The following SRP9 variants were observed in gnomAD, a reference collection of about 807,000 sequenced individuals.
The protein encoded by SRP9 is signal recognition particle 9 kDa protein.
Under a neutral mutation model 11.7 loss-of-function variants are expected in SRP9, and 2 were observed. The observed-to-expected ratio is 0.17, with a 90% confidence interval of 0.07 to 0.54. The LOEUF (loss-of-function observed/expected upper bound fraction) is 0.54, where lower values mean the gene tolerates loss of function less well. Among genes scored for constraint, SRP9 ranks in the 20% least tolerant of loss-of-function variants. SRP9 has a pLI of 0.94. For missense variants in SRP9, 54 were observed against 108.1 expected, an observed-to-expected ratio of 0.50 and a Z score of 2.22; for synonymous variants, 27 against 35.6, an observed-to-expected ratio of 0.76 and a Z score of 0.86.
In SRP9 at chr1:225,788,940, A is replaced by G. The variant is rs1158432409; in HGVS notation, c.142-300A>G. On this transcript the variant is annotated intron_variant, in intron 2 of 2. Transcript: ENST00000304786. ...CGAAGGAAGAAAATATCTAATTCTA[A>G]GTCTTGAGTTCTTCTCATCAGACCA... is the stretch of plus-strand genomic sequence containing the variant. The G allele has an allele frequency of 2.8e-6, 4 of 1,446,648 alleles. No homozygotes were observed. In the African/African-American group the frequency reaches 4.3e-5, roughly 16 times the overall value. The allele number at this position is 1,446,648 out of a possible 1,614,324, so 89.6% of individuals were successfully genotyped here. A position where few individuals can be genotyped will look rare whatever the true frequency, so the allele number is the denominator to read the frequency against.
At chr1:225,783,520 C>G (rs1053666119) in intron 2 of SRP9, 152 bp downstream of exon 2, 83 of 622,992 alleles carry the variant, frequency 1.3e-4, no homozygotes, top group Non-Finnish European at 2.1e-4. Flanking sequence ...CTAGCAGCTA[C>G]TTTTATAGAC....
intron 1 of SRP9, among the ~76,000 whole-genome samples, chr1:225,778,461 A>G (rs1403378093): frequency 6.6e-6 from 1 of 152,264 alleles, no homozygotes; most frequent in East Asian, 1.9e-4. Context: ...ATTTGGAAGC[A>G]TCTGTACCCC....
At chr1:225,785,287 C>T (rs1294690991) in intron 2 of SRP9, among the ~76,000 whole-genome samples, 1 of 148,150 alleles carries the variant, frequency 6.7e-6, no homozygotes, top group Admixed American at 6.8e-5. Context: ...CCATGTTGAC[C>T]AGGATGGTCT....
At chr1:225,787,396 TGG>T (rs1426544658) in intron 2 of SRP9, among the ~76,000 whole-genome samples, 1 of 151,846 alleles carries the variant, frequency 6.6e-6, no homozygotes, top group Non-Finnish European at 1.5e-5. Flanking sequence ...AGCATGGTGG[TGG>T]GTGCCTGTAA....
intron 1 of SRP9, among the ~76,000 whole-genome samples, chr1:225,779,298 C>T (rs1665750405): frequency 6.6e-6 from 1 of 152,024 alleles, no homozygotes; most frequent in Non-Finnish European, 1.5e-5. Context: ...GCGCCTGCCA[C>T]CACACCTGGC....
intron 1 of SRP9, among the ~76,000 whole-genome samples, chr1:225,783,003 T>A (rs951050138): frequency 6.6e-6 from 1 of 152,244 alleles, no homozygotes; most frequent in Non-Finnish European, 1.5e-5. Flanking sequence ...ACCTTATAAG[T>A]CTCACAGACA....
intron 2 of SRP9, chr1:225,786,927 C>A: frequency 1.3e-6 from 1 of 797,190 alleles, no homozygotes; most frequent in Non-Finnish European, 1.8e-6. Flanking sequence ...ACTGCATCCT[C>A]GACCTCCTGG....
rs1665760656 is a variant in SRP9, at chr1:225,779,931, T to G, written c.72+1919T>G. 2.0e-5 allele frequency among the ~76,000 whole-genome samples: 3 copies of G among 152,314 alleles called. No individual in the cohort carries two copies. In the South Asian group the frequency reaches 6.2e-4, roughly 32 times the overall value. On this transcript the variant is annotated intron_variant, in intron 1 of 2. Transcript: ENST00000304786. ...ATTCACATCAAGAGTAACTGTACTGTAAGAATGTGATGGCAGTGGTAGGGA... is the reference window on the plus strand; with the variant it reads ...ATTCACATCAAGAGTAACTGTACTGGAAGAATGTGATGGCAGTGGTAGGGA...
chr1:225,782,987 A>AATGC (rs1665828956), intron 1 of SRP9, among the ~76,000 whole-genome samples: 1 of 152,238 alleles, frequency 6.6e-6, no homozygotes, highest in Non-Finnish European at 1.5e-5. Flanking sequence ...ATTGGCAAGA[A>AATGC]ATGCCACCTT....
chr1:225,784,898 T>C (rs754277255), intron 2 of SRP9, among the ~76,000 whole-genome samples: 57 of 152,068 alleles, frequency 3.7e-4, no homozygotes, highest in Admixed American at 2.0e-4. Context: ...CTACCTTTAG[T>C]TGCATTATTT....
intron 2 of SRP9, among the ~76,000 whole-genome samples, chr1:225,784,392 A>G (rs1329255217): frequency 2.0e-5 from 3 of 148,118 alleles, no homozygotes; most frequent in Non-Finnish European, 4.5e-5. Flanking sequence ...GACTACAGGC[A>G]CCCACCACCA....
intron 2 of SRP9, chr1:225,786,819 T>C (rs974295155): frequency 9.5e-6 from 12 of 1,263,418 alleles, no homozygotes; most frequent in African/African-American, 1.6e-5. Flanking sequence ...ATGTATTCTT[T>C]TGTTTGTTGA....
At chr1:225,786,826 T>C (rs1406667370) in intron 2 of SRP9, 1 of 1,263,246 alleles carries the variant, frequency 7.9e-7, no homozygotes, top group Non-Finnish European at 1.0e-6. Context: ...CTTTTGTTTG[T>C]TGATTGGTTG....
intron 1 of SRP9, among the ~76,000 whole-genome samples, chr1:225,780,609 G>A (rs1254032665): frequency 6.6e-6 from 1 of 152,098 alleles, no homozygotes; most frequent in African/African-American, 2.4e-5. Flanking sequence ...TTTTATATCT[G>A]TTAAGTGATA....
chr1:225,780,937 T>G (rs1665781901), intron 1 of SRP9, among the ~76,000 whole-genome samples: 1 of 152,222 alleles, frequency 6.6e-6, no homozygotes, highest in South Asian at 2.1e-4. Flanking sequence ...GTTGAATTCT[T>G]CATCTCCTGC....
At position 225,785,570 on chromosome 1, in the gene SRP9, C is replaced by T. The variant is rs1016886405; in HGVS notation, c.141+2202C>T. Reference sequence around the variant, plus strand: ...TAATTTTGTGTATTTTTAGTAGAGACGGGGTTTCACCCTGTTAGCCAGGAT... The same window carrying T: ...TAATTTTGTGTATTTTTAGTAGAGATGGGGTTTCACCCTGTTAGCCAGGAT... On this transcript the variant is annotated intron_variant, in intron 2 of 2. Coordinates refer to ENST00000304786, the MANE Select transcript of SRP9 (RefSeq NM_003133.6). 4.0e-5 allele frequency among the ~76,000 whole-genome samples: 6 copies of T among 151,564 alleles called. 1 individual carries two copies. Among genetic ancestry groups the T allele is most frequent in the Admixed American group, 6.6e-5 (1 of 15,214 alleles).
intron 1 of SRP9, among the ~76,000 whole-genome samples, chr1:225,778,312 C>T (rs909828652): frequency 6.6e-6 from 1 of 152,222 alleles, no homozygotes; most frequent in East Asian, 1.9e-4. Context: ...TCCCTGAAGC[C>T]AGGGCTCCTC....
Position 225,780,373 on chromosome 1 carries a change from G to GT in SRP9, c.72+2369dup, listed in dbSNP as rs141239007. On this transcript the variant is annotated intron_variant, in intron 1 of 2. Transcript: ENST00000304786. ...ATGAGTGTAGAGGAAGAGCTTAACA[G>GT]TTTTTTTTGTTTGTTTGTTTTCCAA... Among the ~76,000 whole-genome samples, 292 of 151,250 alleles carry GT rather than the reference G, an allele frequency of 1.9e-3. 1 individual carries two copies. In the East Asian group the frequency reaches 0.037, roughly 19 times the overall value.
chr1:225,777,905 G>A lies in SRP9; in HGVS notation c.-36G>A, dbSNP rs1665714295. ...GTAGTTTGTTGGGCCGGGTTCTGAG[G>A]CCTTGCTTCTCTTTACTTTTCCACT... On this transcript the variant is annotated 5_prime_UTR_variant, in exon 1 of 3. Coordinates refer to ENST00000304786, the MANE Select transcript of SRP9 (RefSeq NM_003133.6). 6.3e-7 allele frequency: 1 copy of A among 1,592,456 alleles called. No homozygotes were observed. Among genetic ancestry groups the A allele is most frequent in the African/African-American group, 1.3e-5 (1 of 74,430 alleles).
Sources: gnomAD v4.1 joint callset for allele counts (sites outside exome capture counted in the v4.1 genomes callset) on GRCh38, gnomAD v4.1.1 for gene constraint, MANE v1.5 for transcripts, NCBI Gene and HGNC (gene_info 2026-07-23, HGNC 2026-07-21) for gene names.